Variants in HACE1 observed in about 807,000 individuals in gnomAD.
The protein encoded by HACE1 is HECT domain and ankyrin repeat containing E3 ubiquitin protein ligase 1, also known as E3 ubiquitin-protein ligase HACE1.
Under a neutral mutation model 118.4 loss-of-function variants are expected in HACE1, and 73 were observed. The observed-to-expected ratio is 0.62, with a 90% confidence interval of 0.51 to 0.75. HACE1 has a LOEUF of 0.75. HACE1 is among the 30% of genes least tolerant of loss of function. The pLI is 0.00. For synonymous variants in HACE1, 368 were observed against 374.8 expected (o/e 0.98, Z 0.21); for missense variants, 749 against 1,102.2 (o/e 0.68, Z 4.54).
At chr6:104,734,433 A>AT (rs1775590045) in intron 22 of HACE1, among the ~76,000 whole-genome samples, 1 of 152,138 alleles carries the variant, frequency 6.6e-6, no homozygotes, top group South Asian at 2.1e-4. Flanking sequence ...AAAGAAAAAA[A>AT]ATTTATACTT....
At chr6:104,772,869 T>A (rs1252300358) in intron 17 of HACE1, among the ~76,000 whole-genome samples, 1 of 152,138 alleles carries the variant, frequency 6.6e-6, no homozygotes, top group Non-Finnish European at 1.5e-5. Flanking sequence ...ATATGGGAGA[T>A]ATTGCTTAAC....
At chr6:104,831,986 G>GGAAT (rs1774013718) in intron 6 of HACE1, among the ~76,000 whole-genome samples, 1 of 37,406 alleles carries the variant, frequency 2.7e-5, no homozygotes, top group South Asian at 1.2e-3. Flanking sequence ...AAGAGAGGAA[G>GGAAT]GAAGGAAGGA....
intron 7 of HACE1, among the ~76,000 whole-genome samples, chr6:104,808,293 G>A (rs917278201): frequency 2.6e-4 from 39 of 152,264 alleles, no homozygotes; most frequent in African/African-American, 8.9e-4. Flanking sequence ...TCACTGAAGA[G>A]TGAAAGAAGT....
At chr6:104,784,283 A>G (rs1198680915) in intron 13 of HACE1, 110 bp from the exon 14 acceptor site, 4 of 867,626 alleles carry the variant, frequency 4.6e-6, no homozygotes, top group African/African-American at 1.7e-5. Context: ...ATAATAATCC[A>G]TATCTATTAA....
intron 19 of HACE1, among the ~76,000 whole-genome samples, chr6:104,770,821 GCATTT>G (rs2114706031): frequency 6.6e-6 from 1 of 152,260 alleles, no homozygotes; most frequent in South Asian, 2.1e-4. Context: ...TTAAACACTG[GCATTT>G]CTTTTCTCTA....
chr6:104,760,594 A>C (rs1042651808), intron 19 of HACE1, among the ~76,000 whole-genome samples: 1 of 152,198 alleles, frequency 6.6e-6, no homozygotes, highest in Non-Finnish European at 1.5e-5. Context: ...TATCATACTG[A>C]ATAGGGAAAA....
At position 104,776,754 on chromosome 6, in the gene HACE1, G is replaced by C; in HGVS notation, c.1851C>G (p.Thr617=). Residue 617 remains threonine (T), a synonymous_variant, in exon 17 of 24, where the codon ACC becomes ACG. Coordinates refer to ENST00000262903, the MANE Select transcript of HACE1 (RefSeq NM_020771.4). Reference sequence around the variant, plus strand: ...TGTACAACTTACCATCAGCTGACTGGGTAAACAATGCATAATCAGGATTGA... The same window carrying C: ...TGTACAACTTACCATCAGCTGACTGCGTAAACAATGCATAATCAGGATTGA... ...EIVNPDYALF[T]QSADGTTFQP... 1 of 1,598,344 alleles carries C rather than the reference G, an allele frequency of 6.3e-7. No individual in the cohort carries two copies. The highest frequency in any genetic ancestry group is 8.6e-7 in the Non-Finnish European group (1 of 1,165,638).
intron 10 of HACE1, among the ~76,000 whole-genome samples, chr6:104,792,187 A>T (rs960678983): frequency 6.6e-6 from 1 of 152,228 alleles, no homozygotes; most frequent in Non-Finnish European, 1.5e-5. Context: ...AAATTGAAAA[A>T]TTTAAAAGTT....
intron 4 of HACE1, among the ~76,000 whole-genome samples, chr6:104,848,672 A>G (rs1185523963): frequency 6.6e-6 from 1 of 152,160 alleles, no homozygotes; most frequent in Non-Finnish European, 1.5e-5. Flanking sequence ...TAAACTGTGT[A>G]CAATATATTA....
intron 6 of HACE1, among the ~76,000 whole-genome samples, chr6:104,828,739 T>C (rs908755775): frequency 6.6e-6 from 1 of 152,044 alleles, no homozygotes; most frequent in Non-Finnish European, 1.5e-5. Flanking sequence ...AACAGCTGCA[T>C]CTATATGAAA....
chr6:104,788,908 T>C (rs1782706955), intron 11 of HACE1, among the ~76,000 whole-genome samples: 1 of 152,076 alleles, frequency 6.6e-6, no homozygotes, highest in Non-Finnish European at 1.5e-5. Flanking sequence ...TAAAAACACA[T>C]GGCCTATAAA....
chr6:104,836,200 G>A (rs1460954260), intron 5 of HACE1, among the ~76,000 whole-genome samples: 1 of 152,084 alleles, frequency 6.6e-6, no homozygotes, highest in African/African-American at 2.4e-5. Flanking sequence ...AGCAGACCTA[G>A]GTATCAACCA....
At position 104,749,991 on chromosome 6, in the gene HACE1, C is replaced by T. The variant is rs76872893; in HGVS notation, c.2343+350G>A. 2.3e-3 allele frequency among the ~76,000 whole-genome samples: 356 copies of T among 152,128 alleles called. 9 individuals are homozygous for T. The East Asian group carries it at 0.059, about 25-fold the overall frequency. ...GAAGTTTAAGAAGTTAGTATCAGCG[C>T]CCTTTACATCATGTGGTCAAATAAA... On this transcript the variant is annotated intron_variant, in intron 20 of 23. Coordinates refer to ENST00000262903, the MANE Select transcript of HACE1 (RefSeq NM_020771.4).
At chr6:104,799,826 G>C (rs917625745) in intron 7 of HACE1, among the ~76,000 whole-genome samples, 3 of 152,124 alleles carry the variant, frequency 2.0e-5, no homozygotes, top group African/African-American at 7.2e-5. Flanking sequence ...ACAGAAGACG[G>C]GTGATTTCTG....
At chr6:104,832,368 T>C (rs1582694638) in intron 6 of HACE1, among the ~76,000 whole-genome samples, 1 of 143,774 alleles carries the variant, frequency 7.0e-6, no homozygotes, top group South Asian at 2.4e-4. Context: ...ATAAAAGCAC[T>C]ATTTTCCTGT....
chr6:104,740,644 G>A (rs2114475154), intron 22 of HACE1, among the ~76,000 whole-genome samples: 1 of 150,696 alleles, frequency 6.6e-6, no homozygotes, highest in Non-Finnish European at 1.5e-5. Context: ...CCAATAACAG[G>A]ATCTGAAATT....
chr6:104,820,358 A>G (rs917927123), intron 6 of HACE1, among the ~76,000 whole-genome samples: 28 of 152,168 alleles, frequency 1.8e-4, no homozygotes, highest in African/African-American at 5.8e-4. Flanking sequence ...AATTAAACTA[A>G]AGAGTTTCTG....
intron 19 of HACE1, among the ~76,000 whole-genome samples, chr6:104,757,451 G>A (rs1020331709): frequency 1.3e-5 from 2 of 152,120 alleles, no homozygotes; most frequent in Admixed American, 1.3e-4. Flanking sequence ...GCAGCTAAGG[G>A]GCCTGTTTGT....
At chr6:104,835,823 A>G (rs977633422) in intron 5 of HACE1, among the ~76,000 whole-genome samples, 4 of 152,242 alleles carry the variant, frequency 2.6e-5, no homozygotes, top group Non-Finnish European at 5.9e-5. Context: ...ATAAGTTTCT[A>G]GAGAGAAAAA....
Sources: allele counts gnomAD v4.1 joint callset (sites outside exome capture counted in the v4.1 genomes callset), GRCh38; gene constraint gnomAD v4.1.1; transcripts MANE v1.5; gene names NCBI Gene and HGNC (gene_info 2026-07-23, HGNC 2026-07-21).